The following CEP85 variants were observed in gnomAD, a reference collection of about 807,000 sequenced individuals.
CEP85 encodes centrosomal protein of 85 kDa.
In CEP85, 58 loss-of-function variants were observed where a neutral mutation model predicts 93.7. The observed-to-expected ratio is 0.62, with a 90% CI of 0.50 to 0.77. The LOEUF (loss-of-function observed/expected upper bound fraction) is 0.77, where lower values mean the gene tolerates loss of function less well. Ranked by LOEUF, CEP85 falls within the 30% of genes least tolerant of loss-of-function variation. The probability of loss-of-function intolerance (pLI) is 0.00; values close to 1 mark genes in which losing one functional copy is unlikely to be tolerated. For missense variants in CEP85, 868 were observed against 922.0 expected, an observed-to-expected ratio of 0.94 and a Z score of 0.76; for synonymous variants, 314 against 338.6, an observed-to-expected ratio of 0.93 and a Z score of 0.80.
chr1:26,269,900 C>T (rs2089949230), intron 9 of CEP85, among the ~76,000 whole-genome samples: 1 of 150,362 alleles, frequency 6.7e-6, no homozygotes, highest in African/African-American at 2.4e-5. Context: ...CATTCTCCTG[C>T]CTCAGCCTCC....
chr1:26,272,055 T>C lies in CEP85; in HGVS notation c.1778T>C (p.Leu593Ser). The change falls in exon 11 of 14, where the codon TTG becomes TCG. Residue 593 changes from leucine to serine, a missense_variant. Transcript: ENST00000451429. The part of the protein sequence containing the change: ...VEKQQQKMDQ[L>S]RSQVQSLEQE... Reference sequence around the variant, plus strand: ...AAGCAGCAGCAGAAGATGGATCAGTTGCGCTCACAAGTACAGGTGAGCAGG... The same window carrying C: ...AAGCAGCAGCAGAAGATGGATCAGTCGCGCTCACAAGTACAGGTGAGCAGG... 1.9e-6 allele frequency: 3 copies of C among 1,614,152 alleles called. No homozygotes were observed. Among genetic ancestry groups the C allele is most frequent in the Non-Finnish European group, 2.5e-6 (3 of 1,180,010 alleles).
rs963130699 is a variant in CEP85 at position 26,258,572 on chromosome 1, A to T, written c.1155+312A>T. 2.0e-5 allele frequency among the ~76,000 whole-genome samples: 3 copies of T among 148,060 alleles called. No individual in the cohort carries two copies. The South Asian group carries it at 6.3e-4, about 31-fold the overall frequency. On this transcript the variant is annotated intron_variant, in intron 6 of 13. Transcript: ENST00000451429. ...TTCTAGCCCTAGCCAAAGGAGAGAG[A>T]GGCAAAGGTAATGCAGGATTTAGAG...
At chr1:26,264,805 A>G (rs1362338290) in intron 7 of CEP85, among the ~76,000 whole-genome samples, 2 of 151,842 alleles carry the variant, frequency 1.3e-5, no homozygotes, top group South Asian at 2.1e-4. Flanking sequence ...AGTTCTATAC[A>G]TAGTTTTTTT....
chr1:26,240,819 A>G (rs902742616), intron 2 of CEP85, among the ~76,000 whole-genome samples: 1 of 152,040 alleles, frequency 6.6e-6, no homozygotes, highest in Non-Finnish European at 1.5e-5. Context: ...AATCACTTGA[A>G]CACGGGAAGC....
At chr1:26,271,879 A>G (rs374137729) in intron 10 of CEP85, 142 bp from the exon 11 acceptor site, 16 of 692,022 alleles carry the variant, frequency 2.3e-5, no homozygotes, top group East Asian at 1.4e-4. Context: ...ATATTCCTAT[A>G]GGTAGAGTTC....
At chr1:26,247,092 T>C (rs1174004692) in intron 3 of CEP85, among the ~76,000 whole-genome samples, 1 of 152,208 alleles carries the variant, frequency 6.6e-6, no homozygotes, top group Non-Finnish European at 1.5e-5. Flanking sequence ...AATGTGCATT[T>C]GAGGGATCTA....
rs561031864 is a variant in CEP85 at position 26,250,279 on chromosome 1, G to A, written c.209-4892G>A. On this transcript the variant is annotated intron_variant, in intron 3 of 13. Transcript: ENST00000451429. ...AGCAAGCATTACTGCCTGAGCTTGC[G>A]CCTTCTGTCAGATCAGTGGTGACAT... 7.2e-5 allele frequency among the ~76,000 whole-genome samples: 11 copies of A among 152,288 alleles called. No individual in the cohort carries two copies. The South Asian group carries it at 8.3e-4, about 11-fold the overall frequency.
intron 1 of CEP85, among the ~76,000 whole-genome samples, chr1:26,238,772 T>C (rs1038124428): frequency 1.3e-5 from 2 of 152,224 alleles, no homozygotes; most frequent in African/African-American, 4.8e-5. Flanking sequence ...GATAACTTAA[T>C]GTTTAGTGGG....
intron 4 of CEP85, among the ~76,000 whole-genome samples, chr1:26,256,992 A>G (rs1418534887): frequency 7.1e-6 from 1 of 140,530 alleles, no homozygotes; most frequent in Non-Finnish European, 1.5e-5. Context: ...GCCCAGTGGC[A>G]TGATCTTGGC....
intron 3 of CEP85, among the ~76,000 whole-genome samples, chr1:26,246,476 A>G (rs981549603): frequency 2.0e-5 from 3 of 152,198 alleles, no homozygotes; most frequent in African/African-American, 7.2e-5. Context: ...GCTGATGTCT[A>G]TAATCCTAGC....
At chr1:26,272,212 T>G (rs2089985381) in intron 11 of CEP85, 141 bp downstream of exon 11, 2 of 768,908 alleles carry the variant, frequency 2.6e-6, no homozygotes, top group African/African-American at 3.5e-5. Context: ...TCAGTGCTTT[T>G]GAGCCTTGCT....
intron 7 of CEP85, 133 bp from the exon 8 acceptor site, chr1:26,268,350 C>T: frequency 1.1e-6 from 1 of 932,328 alleles, no homozygotes; most frequent in Non-Finnish European, 1.7e-6. Flanking sequence ...CCCAGCTACT[C>T]CAGGGGCTGA....
chr1:26,253,974 G>A (rs2089658097), intron 3 of CEP85, among the ~76,000 whole-genome samples: 1 of 151,910 alleles, frequency 6.6e-6, no homozygotes, highest in African/African-American at 2.4e-5. Flanking sequence ...CAGCCTGGGT[G>A]ACAGAGTGAG....
At chr1:26,267,777 C>CA (rs2089913905) in intron 7 of CEP85, among the ~76,000 whole-genome samples, 1 of 152,178 alleles carries the variant, frequency 6.6e-6, no homozygotes, top group African/African-American at 2.4e-5. Flanking sequence ...TGATTGAACT[C>CA]AATCACCCGT....
intron 2 of CEP85, among the ~76,000 whole-genome samples, chr1:26,243,769 G>A (rs1470333793): frequency 1.3e-5 from 2 of 152,154 alleles, no homozygotes; most frequent in East Asian, 3.8e-4. Flanking sequence ...GGAGGCCAAG[G>A]CGGGTGGATT....
chr1:26,245,651 A>G (rs1414954455), intron 3 of CEP85, among the ~76,000 whole-genome samples: 1 of 152,018 alleles, frequency 6.6e-6, no homozygotes, highest in East Asian at 1.9e-4. Context: ...ATAATTAACT[A>G]CTGTTGATTG....
Position 26,276,609 on chromosome 1 carries a change from G to T in CEP85, c.1977G>T (p.Gly659=), listed in dbSNP as rs1024334254. 3 of 1,614,064 alleles carry T rather than the reference G, an allele frequency of 1.9e-6. No homozygotes were observed. Among genetic ancestry groups the T allele is most frequent in the African/African-American group, 2.7e-5 (2 of 74,918 alleles). ...AACACCTGCGCCAGGCCCAACCAGG[G>T]TCTCCACCTTCACCAGACACGGCCC... The part of the protein sequence containing the change: ...LQEHLRQAQP[G]SPPSPDTAQL... The change falls in exon 13 of 14, where the codon GGG becomes GGT. Residue 659 remains glycine, a synonymous_variant. Coordinates refer to ENST00000451429, the MANE Select transcript of CEP85 (RefSeq NM_001319944.2).
intron 2 of CEP85, among the ~76,000 whole-genome samples, 159 bp downstream of exon 2, chr1:26,239,997 A>G (rs1463926230): frequency 2.0e-5 from 3 of 152,236 alleles, no homozygotes; most frequent in African/African-American, 4.8e-5. Context: ...CAGGTCTCTG[A>G]GGGAACAAGT....
rs547008808 is a variant in CEP85 at position 26,255,207 on chromosome 1, C to G, written c.245C>G (p.Pro82Arg). ...CSSSGSPPFQ[P>R]IKSHVTIPTA... Reference sequence around the variant, plus strand: ...TCAAGTGGCAGTCCTCCTTTCCAGCCCATCAAAAGCCACGTAACCATTCCA... The same window carrying G: ...TCAAGTGGCAGTCCTCCTTTCCAGCGCATCAAAAGCCACGTAACCATTCCA... Residue 82 changes from proline to arginine, a missense_variant, in exon 4 of 14, where the codon CCC becomes CGC. Transcript: ENST00000451429. 74 of 1,614,114 alleles carry G rather than the reference C, an allele frequency of 4.6e-5. 1 individual carries two copies. In the South Asian group the frequency reaches 7.9e-4, roughly 17 times the overall value.
Sources: allele counts gnomAD v4.1 joint callset (sites outside exome capture counted in the v4.1 genomes callset), GRCh38; gene constraint gnomAD v4.1.1; transcripts MANE v1.5; gene names NCBI Gene and HGNC (gene_info 2026-07-23, HGNC 2026-07-21).